The following DLC1 variants were observed in gnomAD, a reference collection of about 807,000 sequenced individuals.
The protein encoded by DLC1 is DLC1 Rho GTPase activating protein, also known as rho GTPase-activating protein 7.
A neutral mutation model predicts 140.3 loss-of-function variants in DLC1; 54 were observed. The ratio of observed to expected loss-of-function variants is 0.38; its 90% CI spans 0.31 to 0.48. The LOEUF (loss-of-function observed/expected upper bound fraction) is 0.48. Ranked by LOEUF, DLC1 falls within the 20% of genes least tolerant of loss-of-function variation. The pLI is 0.96. For synonymous variants in DLC1, 986 were observed against 728.1 expected, an observed-to-expected ratio of 1.35 and a Z score of -5.70; for missense variants, 2,536 against 1,907.0, an observed-to-expected ratio of 1.33 and a Z score of -6.14.
intron 7 of DLC1, among the ~76,000 whole-genome samples, chr8:13,110,061 T>C (rs939635105): frequency 6.6e-6 from 1 of 152,122 alleles, no homozygotes; most frequent in South Asian, 2.1e-4. Flanking sequence ...TTAGAAAGGA[T>C]GAAAAACTTA....
intron 5 of DLC1, among the ~76,000 whole-genome samples, chr8:13,256,685 G>A (rs1408211902): frequency 1.3e-5 from 2 of 152,046 alleles, no homozygotes; most frequent in Admixed American, 6.6e-5. Flanking sequence ...AGAACACATG[G>A]ACACAGGGAG....
chr8:13,098,565 T>C lies in DLC1; in HGVS notation c.3001A>G (p.Arg1001Gly), dbSNP rs1267515120. Residue 1001 changes from arginine (R) to glycine (G), a missense_variant, in exon 10 of 18, where the codon AGA becomes GGA. By Grantham distance (125) the Arg-to-Gly change is moderately radical (BLOSUM62 -2). Coordinates refer to ENST00000276297, the MANE Select transcript of DLC1 (RefSeq NM_182643.3). ...SLTRSNRHRL[R>G]WHSFQSSHRP... ...TGTGAGCTCTGGAAACTGTGCCATC[T>C]CAGTCGGTGCCTGCGAGAGAAGAGG... 1 of 1,613,930 alleles carries C rather than the reference T, an allele frequency of 6.2e-7. No individual in the cohort carries two copies. Among genetic ancestry groups the C allele is most frequent in the African/African-American group, 1.3e-5 (1 of 75,052 alleles).
intron 2 of DLC1, among the ~76,000 whole-genome samples, chr8:13,451,037 CAAAAAAAAAAAAAAAAAA>C (rs1169620786): frequency 1.6e-4 from 3 of 18,380 alleles, no homozygotes; most frequent in Admixed American, 1.0e-3. Flanking sequence ...GACTCCGTCT[CAAAAAAAAAAAAAAAAAA>C]AAAAAAAAAA....
chr8:13,356,038 C>T (rs930428106), intron 4 of DLC1, among the ~76,000 whole-genome samples: 2 of 117,348 alleles, frequency 1.7e-5, no homozygotes, highest in South Asian at 3.0e-4. Context: ...TGCAGTGAGC[C>T]GGGATCGCGC....
intron 5 of DLC1, among the ~76,000 whole-genome samples, chr8:13,180,096 G>C (rs1197988166): frequency 1.3e-5 from 2 of 152,150 alleles, no homozygotes; most frequent in Non-Finnish European, 2.9e-5. Context: ...ACTTATCCAA[G>C]GGAGATGGTG....
intron 4 of DLC1, among the ~76,000 whole-genome samples, chr8:13,347,424 C>A (rs1056200161): frequency 6.6e-6 from 1 of 152,166 alleles, no homozygotes; most frequent in Non-Finnish European, 1.5e-5. Flanking sequence ...AGGACGGGAG[C>A]AGCAGGGCTG....
At chr8:13,327,939 T>C (rs1160500357) in intron 4 of DLC1, among the ~76,000 whole-genome samples, 1 of 152,160 alleles carries the variant, frequency 6.6e-6, no homozygotes, top group Non-Finnish European at 1.5e-5. Context: ...CAAGGCAAAG[T>C]ATAGGTGGAA....
chr8:13,284,996 T>A (rs894539604), intron 5 of DLC1, among the ~76,000 whole-genome samples: 1 of 152,188 alleles, frequency 6.6e-6, no homozygotes, highest in African/African-American at 2.4e-5. Flanking sequence ...TCCAGCAGGT[T>A]TTTTTGTTTG....
At chr8:13,393,022 C>G (rs930681673) in intron 4 of DLC1, among the ~76,000 whole-genome samples, 1 of 152,124 alleles carries the variant, frequency 6.6e-6, no homozygotes, top group Non-Finnish European at 1.5e-5. Context: ...TATTATCTAT[C>G]TATGTCTGTC....
intron 4 of DLC1, among the ~76,000 whole-genome samples, chr8:13,383,991 T>G (rs1836392261): frequency 6.6e-6 from 1 of 152,190 alleles, no homozygotes; most frequent in African/African-American, 2.4e-5. Context: ...CTTAATTTAA[T>G]GGCTTAAAAC....
Position 13,141,256 on chromosome 8 carries a change from C to CAAAAAAAAAAAA in DLC1, c.1349-25611_1349-25600dup, listed in dbSNP as rs34321250. ...GGTGACACAGTGCAAGAGTCTGTCT[C>CAAAAAAAAAAAA]AAAAAAAAAAAAAAAAAAAAAAAAA... is the stretch of plus-strand genomic sequence containing the variant. On this transcript the variant is annotated intron_variant, in intron 5 of 17. Coordinates refer to ENST00000276297, the MANE Select transcript of DLC1 (RefSeq NM_182643.3). 4.2e-3 allele frequency among the ~76,000 whole-genome samples: 268 copies of CAAAAAAAAAAAA among 63,732 alleles called. 23 individuals carry two copies. Among genetic ancestry groups the CAAAAAAAAAAAA allele is most frequent in the East Asian group, 9.4e-3 (23 of 2,448 alleles). 41.8% of individuals were successfully genotyped at this position (63,732 alleles called of 152,430 possible). A position where few individuals can be genotyped will look rare whatever the true frequency, so the allele number is the denominator to read the frequency against.
At chr8:13,354,667 A>G (rs1380291460) in intron 4 of DLC1, among the ~76,000 whole-genome samples, 2 of 151,878 alleles carry the variant, frequency 1.3e-5, no homozygotes, top group East Asian at 1.9e-4. Flanking sequence ...AAATCGGGTC[A>G]GGTGTGGTGG....
chr8:13,477,928 T>C (rs1320209959), intron 2 of DLC1, among the ~76,000 whole-genome samples: 1 of 152,046 alleles, frequency 6.6e-6, no homozygotes, highest in African/African-American at 2.4e-5. Flanking sequence ...CAATAACATA[T>C]TAAAAAACCT....
chr8:13,324,861 G>C (rs1833273842), intron 4 of DLC1, among the ~76,000 whole-genome samples: 1 of 152,136 alleles, frequency 6.6e-6, no homozygotes, highest in South Asian at 2.1e-4. Flanking sequence ...GTGTGTGTGT[G>C]TGTCTGTCTG....
chr8:13,509,591 GC>G (rs1802263178), intron 1 of DLC1, among the ~76,000 whole-genome samples: 1 of 152,132 alleles, frequency 6.6e-6, no homozygotes, highest in African/African-American at 2.4e-5. Flanking sequence ...AATTAATTAA[GC>G]ACTTATTATG....
chr8:13,181,552 G>C (rs1161481357), intron 5 of DLC1, among the ~76,000 whole-genome samples: 2 of 137,052 alleles, frequency 1.5e-5, no homozygotes, highest in East Asian at 2.2e-4. Flanking sequence ...TGATCTCATT[G>C]TTCAATTCCC....
intron 15 of DLC1, 116 bp from the exon 16 acceptor site, chr8:13,088,820 A>C (rs1250809760): frequency 1.3e-6 from 1 of 760,484 alleles, no homozygotes; most frequent in Non-Finnish European, 2.1e-6. Context: ...TTAATTGATT[A>C]AATGATATAA....
chr8:13,260,160 A>C (rs1023030439), intron 5 of DLC1, among the ~76,000 whole-genome samples: 2 of 152,162 alleles, frequency 1.3e-5, no homozygotes, highest in African/African-American at 4.8e-5. Context: ...AAGCAGGTAG[A>C]GGTGCTTTGG....
At chr8:13,335,446 A>G (rs1308209616) in intron 4 of DLC1, among the ~76,000 whole-genome samples, 1 of 152,208 alleles carries the variant, frequency 6.6e-6, no homozygotes, top group Non-Finnish European at 1.5e-5. Context: ...AATCAATGTG[A>G]GCACACAAAA....
Sources: allele counts gnomAD v4.1 joint callset (sites outside exome capture counted in the v4.1 genomes callset), GRCh38; gene constraint gnomAD v4.1.1; transcripts MANE v1.5; gene names NCBI Gene and HGNC (gene_info 2026-07-23, HGNC 2026-07-21).